The following RBM26 variants were observed in gnomAD, a reference collection of about 807,000 sequenced individuals.
RBM26 encodes RNA binding motif protein 26.
Under a neutral mutation model 123.6 loss-of-function variants are expected in RBM26, and 30 were observed. The observed-to-expected ratio is 0.24, with a 90% confidence interval of 0.18 to 0.33. The LOEUF (loss-of-function observed/expected upper bound fraction) is 0.33. RBM26 is among the 10% of genes least tolerant of loss of function. The probability of loss-of-function intolerance (pLI) is 1.00; values close to 1 mark genes in which losing one functional copy is unlikely to be tolerated. For missense variants in RBM26, 947 were observed against 1,203.6 expected (o/e 0.79, Z 3.15); for synonymous variants, 400 against 404.4 (o/e 0.99, Z 0.13).
chr13:79,323,132 T>G (rs2067890323), intron 20 of RBM26, among the ~76,000 whole-genome samples: 1 of 151,548 alleles, frequency 6.6e-6, no homozygotes, highest in South Asian at 2.1e-4. Flanking sequence ...AAACGTGAAC[T>G]TAAAAAATAG....
At chr13:79,369,837 A>G (rs559990068) in intron 5 of RBM26, among the ~76,000 whole-genome samples, 6 of 152,306 alleles carry the variant, frequency 3.9e-5, no homozygotes, top group South Asian at 2.1e-4. Context: ...TTTAAACTGT[A>G]TAAGTTTTAA....
chr13:79,330,313 G>C (rs1401259102), intron 20 of RBM26, among the ~76,000 whole-genome samples: 16 of 152,154 alleles, frequency 1.1e-4, no homozygotes, highest in Admixed American at 1.0e-3. Context: ...AAAAAACTAT[G>C]AAAAGTAATT....
intron 17 of RBM26, among the ~76,000 whole-genome samples, chr13:79,341,576 G>T (rs566532344): frequency 6.6e-6 from 1 of 151,868 alleles, no homozygotes; most frequent in South Asian, 2.1e-4. Flanking sequence ...ATGTTTTTAT[G>T]TAGAAAACAT....
downstream of RBM26, among the ~76,000 whole-genome samples, chr13:79,318,348 T>C (rs1293852295): frequency 6.6e-6 from 1 of 151,326 alleles, no homozygotes; most frequent in Non-Finnish European, 1.5e-5. Context: ...TCCATCTCTA[T>C]TAGCCTAAGT....
In RBM26 at chr13:79,405,906, C is replaced by T; in HGVS notation, c.-132G>A. 2 of 395,022 alleles carry T rather than the reference C, an allele frequency of 5.1e-6. No homozygotes were observed. The highest frequency in any genetic ancestry group is 8.6e-6 in the Non-Finnish European group (2 of 232,846). The allele number at this position is 395,022 out of a possible 1,614,324, so 24.5% of individuals were successfully genotyped here. A position where few individuals can be genotyped will look rare whatever the true frequency, so the allele number is the denominator to read the frequency against. On this transcript the variant is annotated 5_prime_UTR_variant, in exon 1 of 22. Coordinates refer to ENST00000438737, the MANE Select transcript of RBM26 (RefSeq NM_001366735.2). ...CGGTGGGAGGCGCCGGTGGCAGGTT[C>T]CCGCGGGCCCCGGTCGGCGAACAGC...
Position 79,344,386 on chromosome 13 carries a change from A to G in RBM26, c.2185-64T>C, listed in dbSNP as rs2071938032. ...AAGGATAAACAATATTATTCAAGAGAAGAGAAATAGTTGTAACTGCAGAAG... is the reference window on the plus strand; with the variant it reads ...AAGGATAAACAATATTATTCAAGAGGAGAGAAATAGTTGTAACTGCAGAAG... On this transcript the variant is annotated intron_variant, in intron 15 of 21. Coordinates refer to ENST00000438737, the MANE Select transcript of RBM26 (RefSeq NM_001366735.2). 14 of 1,275,798 alleles carry G rather than the reference A, an allele frequency of 1.1e-5. No homozygotes were observed. The South Asian group carries it at 1.6e-4, about 15-fold the overall frequency. The allele number at this position is 1,275,798 out of a possible 1,614,324, so 79.0% of individuals were successfully genotyped here.
At chr13:79,351,549 A>C (rs1306372126) in intron 14 of RBM26, among the ~76,000 whole-genome samples, 2 of 136,180 alleles carry the variant, frequency 1.5e-5, no homozygotes, top group African/African-American at 5.6e-5. Context: ...GTTTCATGGG[A>C]GATGTTAGAG....
intron 5 of RBM26, among the ~76,000 whole-genome samples, chr13:79,370,512 T>C (rs2075772605): frequency 1.3e-5 from 2 of 152,222 alleles, no homozygotes; most frequent in African/African-American, 2.4e-5. Flanking sequence ...AGGCTGTTTC[T>C]AGATCTGGCT....
At chr13:79,365,429 T>A (rs2075158854) in intron 9 of RBM26, 149 bp downstream of exon 9, 1 of 653,276 alleles carries the variant, frequency 1.5e-6, no homozygotes, top group Non-Finnish European at 2.6e-6. Context: ...GGCCACAGAG[T>A]GAGACTCTGT....
At chr13:79,327,517 G>A (rs1379098159) in intron 20 of RBM26, among the ~76,000 whole-genome samples, 2 of 151,236 alleles carry the variant, frequency 1.3e-5, no homozygotes, top group African/African-American at 2.5e-5. Context: ...GTAGAAATGT[G>A]AGAGGTAAAA....
intron 13 of RBM26, 89 bp downstream of exon 13, chr13:79,354,350 T>C (rs924887323): frequency 9.0e-7 from 1 of 1,109,482 alleles, no homozygotes; most frequent in Non-Finnish European, 1.2e-6. Flanking sequence ...CTATGTAAAA[T>C]ATATACAATT....
chr13:79,393,726 G>C (rs530014813), intron 1 of RBM26, among the ~76,000 whole-genome samples: 1 of 152,178 alleles, frequency 6.6e-6, no homozygotes, highest in Non-Finnish European at 1.5e-5. Context: ...AGATCACCTT[G>C]TGGGGGTGGG....
chr13:79,386,091 A>T (rs2077453952), intron 1 of RBM26, among the ~76,000 whole-genome samples: 1 of 137,288 alleles, frequency 7.3e-6, no homozygotes, highest in South Asian at 2.1e-4. Flanking sequence ...CCATATTTTT[A>T]AAATTAAAAA....
chr13:79,392,919 A>T (rs1308622659), intron 1 of RBM26, among the ~76,000 whole-genome samples: 4 of 152,312 alleles, frequency 2.6e-5, no homozygotes, highest in Non-Finnish European at 5.9e-5. Flanking sequence ...ATCTGACTCC[A>T]TAGATGGAGG....
At chr13:79,377,736 C>T (rs545476515) in intron 2 of RBM26, among the ~76,000 whole-genome samples, 28 of 151,972 alleles carry the variant, frequency 1.8e-4, no homozygotes, top group African/African-American at 5.1e-4. Flanking sequence ...AAACCAGCCT[C>T]GCCAGCCCTG....
chr13:79,380,673 A>G (rs1447177701), intron 1 of RBM26, among the ~76,000 whole-genome samples: 1 of 152,044 alleles, frequency 6.6e-6, no homozygotes, highest in Non-Finnish European at 1.5e-5. Context: ...CTGAAAATAT[A>G]TAATAAATTA....
At chr13:79,340,849 C>A (rs750643618) in intron 18 of RBM26, among the ~76,000 whole-genome samples, 2 of 151,614 alleles carry the variant, frequency 1.3e-5, no homozygotes, top group Non-Finnish European at 3.0e-5. Flanking sequence ...GGAGGACAGA[C>A]CAAAAATAGA....
chr13:79,361,244 T>C (rs1368709296), intron 9 of RBM26, among the ~76,000 whole-genome samples: 1 of 152,112 alleles, frequency 6.6e-6, no homozygotes, highest in South Asian at 2.1e-4. Context: ...ACATATGCCA[T>C]ACATACAGAG....
intron 3 of RBM26, among the ~76,000 whole-genome samples, chr13:79,375,909 A>C: frequency 6.6e-6 from 1 of 152,030 alleles, no homozygotes; most frequent in Non-Finnish European, 1.5e-5. Context: ...GACAGCAGCT[A>C]CCATTTACTG....
Sources: allele counts gnomAD v4.1 joint callset (sites outside exome capture counted in the v4.1 genomes callset), GRCh38; gene constraint gnomAD v4.1.1; transcripts MANE v1.5; gene names NCBI Gene and HGNC (gene_info 2026-07-23, HGNC 2026-07-21).